Variants in MME observed in about 807,000 individuals in gnomAD.
The protein encoded by MME is membrane metalloendopeptidase, also known as neprilysin.
Under a neutral mutation model 113.2 loss-of-function variants are expected in MME, and 98 were observed. The ratio of observed to expected loss-of-function variants is 0.87; its 90% CI spans 0.74 to 1.02. MME has a LOEUF of 1.02. Ranked by LOEUF, MME falls within the 50% of genes least tolerant of loss-of-function variation. The probability of loss-of-function intolerance (pLI) is 0.00; values close to 1 mark genes in which losing one functional copy is unlikely to be tolerated. For missense variants in MME, 836 were observed against 896.0 expected (o/e 0.93, Z 0.86); for synonymous variants, 292 against 300.6 (o/e 0.97, Z 0.30).
intron 3 of MME, among the ~76,000 whole-genome samples, chr3:155,109,175 C>A (rs1029501063): frequency 6.7e-6 from 1 of 149,512 alleles, no homozygotes; most frequent in Non-Finnish European, 1.5e-5. Context: ...CAAAACCAGG[C>A]CTGTTGGTGC....
intron 1 of MME, among the ~76,000 whole-genome samples, chr3:155,063,483 T>TTATA (rs1284530603): frequency 4.5e-5 from 5 of 110,704 alleles, no homozygotes; most frequent in Non-Finnish European, 8.3e-5. Flanking sequence ...TTTTATTATT[T>TTATA]TATATATATA....
chr3:155,161,622 TA>T (rs1722731873), intron 17 of MME, among the ~76,000 whole-genome samples: 1 of 152,190 alleles, frequency 6.6e-6, no homozygotes, highest in Non-Finnish European at 1.5e-5. Flanking sequence ...CAGTTTCTTC[TA>T]GTATTTTTAT....
chr3:155,059,599 C>G (rs555151108), intron 1 of MME, among the ~76,000 whole-genome samples: 2 of 152,034 alleles, frequency 1.3e-5, no homozygotes, highest in African/African-American at 4.8e-5. Context: ...TTTATGTTTC[C>G]CATAGAAAAT....
intron 3 of MME, among the ~76,000 whole-genome samples, chr3:155,097,655 C>G (rs1576579626): frequency 6.6e-6 from 1 of 152,198 alleles, no homozygotes; most frequent in East Asian, 1.9e-4. Context: ...TTATTTAATA[C>G]TAGGGAGAAA....
intron 3 of MME, among the ~76,000 whole-genome samples, chr3:155,105,976 G>C (rs1271236571): frequency 6.6e-6 from 1 of 152,124 alleles, no homozygotes; most frequent in African/African-American, 2.4e-5. Flanking sequence ...TCATATGCTT[G>C]TGCCTACGTG....
intron 13 of MME, 64 bp downstream of exon 13, chr3:155,143,635 G>T: frequency 6.4e-7 from 1 of 1,562,476 alleles, no homozygotes; most frequent in South Asian, 1.1e-5. Context: ...TCACACTGAT[G>T]AGCAATTACA....
chr3:155,139,477 G>A (rs1720887692), intron 9 of MME, among the ~76,000 whole-genome samples: 1 of 152,212 alleles, frequency 6.6e-6, no homozygotes, highest in Non-Finnish European at 1.5e-5. Context: ...CATTGTCACT[G>A]AGAAATAATT....
chr3:155,169,374 T>C (rs1711663068), intron 20 of MME, among the ~76,000 whole-genome samples: 1 of 152,210 alleles, frequency 6.6e-6, no homozygotes, highest in Admixed American at 6.5e-5. Context: ...TAGAATCCCA[T>C]TTAGCCTTCC....
intron 1 of MME, among the ~76,000 whole-genome samples, chr3:155,032,245 T>C (rs926816632): frequency 5.3e-5 from 8 of 152,234 alleles, no homozygotes; most frequent in Non-Finnish European, 1.2e-4. Flanking sequence ...AGATTAGATT[T>C]GTCAATTGAA....
At position 155,135,808 on chromosome 3, in the gene MME, T is replaced by C. The variant is rs529419190; in HGVS notation, c.721-2294T>C. On this transcript the variant is annotated intron_variant, in intron 8 of 22. Transcript: ENST00000360490. The stretch of plus-strand genomic sequence containing the variant: ...TTGTTTGCTTCCTCTATGATTTCTT[T>C]CAGCAATGTTTTGTAGTTCTCCTTG... Among the ~76,000 whole-genome samples the C allele has an allele frequency of 6.5e-4, 99 of 152,318 alleles. 1 individual carries two copies. In the South Asian group the frequency reaches 0.014, roughly 22 times the overall value.
chr3:155,148,393 T>C (rs1015381284), intron 15 of MME, among the ~76,000 whole-genome samples, 157 bp from the exon 16 acceptor site: 2 of 152,140 alleles, frequency 1.3e-5, no homozygotes, highest in African/African-American at 4.8e-5. Context: ...ACTAATAGAA[T>C]TAGGTTAACT....
intron 1 of MME, among the ~76,000 whole-genome samples, chr3:155,027,389 G>C (rs954195120): frequency 2.6e-5 from 4 of 152,152 alleles, no homozygotes; most frequent in Non-Finnish European, 5.9e-5. Context: ...AGGTTTTTAT[G>C]GTTCTTCAAG....
At chr3:155,031,697 G>A (rs191611343) in intron 1 of MME, among the ~76,000 whole-genome samples, 104 of 152,042 alleles carry the variant, frequency 6.8e-4, no homozygotes, top group Admixed American at 4.0e-3. Context: ...CGCTCTTGTC[G>A]CCCAGGCTGA....
intron 20 of MME, among the ~76,000 whole-genome samples, chr3:155,170,648 T>G (rs905272277): frequency 1.3e-5 from 2 of 152,162 alleles, no homozygotes; most frequent in African/African-American, 4.8e-5. Flanking sequence ...CTCACACACA[T>G]CTTCAGATCA....
intron 20 of MME, among the ~76,000 whole-genome samples, chr3:155,170,990 T>C (rs778861718): frequency 7.9e-5 from 12 of 152,174 alleles, no homozygotes; most frequent in Non-Finnish European, 1.2e-4. Context: ...AGAAGTTAAA[T>C]CCAGTCCCTA....
At chr3:155,051,240 C>T (rs1329510951) in intron 1 of MME, among the ~76,000 whole-genome samples, 1 of 152,168 alleles carries the variant, frequency 6.6e-6, no homozygotes, top group African/African-American at 2.4e-5. Flanking sequence ...TCAACCTTCT[C>T]AGCAGAAGCC....
intron 8 of MME, among the ~76,000 whole-genome samples, chr3:155,134,165 G>T (rs970165562): frequency 1.3e-5 from 2 of 152,020 alleles, no homozygotes; most frequent in Admixed American, 1.3e-4. Flanking sequence ...GATTCAGGGG[G>T]TACATGTGTA....
intron 1 of MME, chr3:155,083,918 A>G: frequency 2.2e-6 from 1 of 462,900 alleles, no homozygotes; most frequent in Non-Finnish European, 3.9e-6. Flanking sequence ...GTGATATACC[A>G]AAGCAAAACA....
intron 9 of MME, 33 bp downstream of exon 9, chr3:155,138,269 T>A: frequency 6.2e-7 from 1 of 1,605,890 alleles, no homozygotes; most frequent in Non-Finnish European, 8.5e-7. Flanking sequence ...ATACACTGAA[T>A]AATGTCAACC....
Sources: allele counts gnomAD v4.1 joint callset (sites outside exome capture counted in the v4.1 genomes callset), GRCh38; gene constraint gnomAD v4.1.1; transcripts MANE v1.5; gene names NCBI Gene and HGNC (gene_info 2026-07-23, HGNC 2026-07-21).